Variants in LGMN observed in about 807,000 individuals in gnomAD.
LGMN encodes asparaginyl endopeptidase.
LGMN carries 36 observed loss-of-function variants against 56.8 expected under a neutral mutation model. The ratio of observed to expected loss-of-function variants is 0.63; its 90% CI spans 0.49 to 0.84. The LOEUF (loss-of-function observed/expected upper bound fraction) is 0.84. Among genes scored for constraint, LGMN ranks in the 40% least tolerant of loss-of-function variants. LGMN has a pLI of 0.00. For synonymous variants in LGMN, 199 were observed against 210.1 expected (o/e 0.95, Z 0.46); for missense variants, 446 against 556.1 (o/e 0.80, Z 1.99).
At chr14:92,718,618 G>C (rs1890191755) in intron 3 of LGMN, 129 bp downstream of exon 3, 3 of 517,610 alleles carry the variant, frequency 5.8e-6, no homozygotes, top group African/African-American at 1.9e-5. Context: ...AGGTATCCCT[G>C]TGATCTTCTG....
At chr14:92,704,992 CCCG>C in intron 12 of LGMN, 1 of 351,398 alleles carries the variant, frequency 2.8e-6, no homozygotes, top group Non-Finnish European at 5.5e-6. Context: ...GGCTCTGCTC[CCCG>C]CCATGGCCTG....
In LGMN at chr14:92,709,878, G is replaced by A. The variant is rs1000045076; in HGVS notation, c.820-6C>T. 3.8e-6 allele frequency: 6 copies of A among 1,593,612 alleles called. No individual in the cohort carries two copies. The Admixed American group carries it at 8.5e-5, about 23-fold the overall frequency. On this transcript the variant is annotated splice_region_variant and splice_polypyrimidine_tract_variant and intron_variant, in intron 10 of 13. Coordinates refer to ENST00000334869, the MANE Select transcript of LGMN (RefSeq NM_005606.7). The stretch of plus-strand genomic sequence containing the variant: ...ACTTTCATGGTGGAGATTGTCTGGG[G>A]AGACAGACAGCAAGAGAGAGCGAGA...
In LGMN at chr14:92,704,354, A is replaced by G. The variant is rs1364597152; in HGVS notation, c.1267T>C (p.Leu423=). ...EKPYPLHRIK[L]SMDHVCLGHY ...CCAAGGCACACGTGGTCCATGGACA[A>G]TTTTATCCTGCGAGAGACAGGAAGG... The change falls in exon 14 of 14, where the codon TTG becomes CTG. Residue 423 remains leucine, a synonymous_variant. Coordinates refer to ENST00000334869, the MANE Select transcript of LGMN (RefSeq NM_005606.7). The G allele has an allele frequency of 3.7e-6, 6 of 1,606,346 alleles. No homozygotes were observed. The Admixed American group carries it at 6.7e-5, about 18-fold the overall frequency.
At chr14:92,744,110 C>T (rs367837556) in intron 1 of LGMN, among the ~76,000 whole-genome samples, 8 of 151,722 alleles carry the variant, frequency 5.3e-5, no homozygotes, top group East Asian at 1.9e-4. Context: ...GCCGAGATCG[C>T]GCCACTGCAC....
chr14:92,712,813 T>A lies in LGMN; in HGVS notation c.602A>T (p.Asn201Ile). The change falls in exon 8 of 14, where the codon AAC becomes ATC. Residue 201 changes from asparagine (N) to isoleucine (I), a missense_variant. Asn to Ile is a moderately radical substitution (Grantham distance 149). Coordinates refer to ENST00000334869, the MANE Select transcript of LGMN (RefSeq NM_005606.7). ...GCGCCCCAACCACCTACCATTGATG[T>A]TATCCGGCAGGTGGTTCATCATGGA... ...SGSMMNHLPD[N>I]INVYATTAAN... is the part of the protein sequence containing the mutation. 6.2e-7 allele frequency: 1 copy of A among 1,613,878 alleles called. No individual in the cohort carries two copies. The highest frequency in any genetic ancestry group is 8.5e-7 in the Non-Finnish European group (1 of 1,179,936).
At chr14:92,715,070 C>T (rs1344541615) in intron 5 of LGMN, among the ~76,000 whole-genome samples, 1 of 149,096 alleles carries the variant, frequency 6.7e-6, no homozygotes, top group Non-Finnish European at 1.5e-5. Context: ...ATGATCTCAG[C>T]TCACTGTAAC....
chr14:92,727,077 C>T (rs1178022295), intron 2 of LGMN, among the ~76,000 whole-genome samples: 2 of 152,126 alleles, frequency 1.3e-5, no homozygotes, highest in African/African-American at 2.4e-5. Flanking sequence ...GCAGCCATTT[C>T]GTGACTATGA....
At chr14:92,745,982 T>C (rs1023563084) in intron 1 of LGMN, among the ~76,000 whole-genome samples, 3 of 152,006 alleles carry the variant, frequency 2.0e-5, no homozygotes, top group Non-Finnish European at 4.4e-5. Context: ...CCACCACACC[T>C]AGCTAATTTC....
At chr14:92,747,763 C>G (rs1160749971) in intron 1 of LGMN, among the ~76,000 whole-genome samples, 1 of 152,188 alleles carries the variant, frequency 6.6e-6, no homozygotes, top group Non-Finnish European at 1.5e-5. Flanking sequence ...TCACCACATA[C>G]CACAGGGCTA....
At chr14:92,712,977 C>T (rs956452388) in intron 7 of LGMN, 106 bp from the exon 8 acceptor site, 4 of 992,284 alleles carry the variant, frequency 4.0e-6, no homozygotes, top group African/African-American at 1.6e-5. Flanking sequence ...ACAAGTCCTC[C>T]AGGCTTGCTT....
intron 2 of LGMN, 34 bp from the exon 3 acceptor site, chr14:92,718,878 T>C (rs779722113): frequency 1.3e-6 from 2 of 1,556,348 alleles, no homozygotes; most frequent in South Asian, 1.1e-5. Context: ...TTTTAGATCT[T>C]GCCTGGGAGG....
intron 1 of LGMN, among the ~76,000 whole-genome samples, chr14:92,746,987 G>C (rs1201024801): frequency 2.2e-5 from 3 of 138,792 alleles, no homozygotes; most frequent in Admixed American, 1.6e-4. Flanking sequence ...AGTGAGCCGA[G>C]ATAGCGCCAC....
At position 92,711,817 on chromosome 14, in the gene LGMN, C is replaced by A. The variant is rs1337391990; in HGVS notation, c.729+20G>T. The A allele has an allele frequency of 5.0e-6, 8 of 1,607,680 alleles. No individual in the cohort carries two copies. The highest frequency in any genetic ancestry group is 6.8e-6 in the Non-Finnish European group (8 of 1,174,196). ...TGACGGTTAAACCCCAGCTGAACAG[C>A]CAGCCCCCAAAGGGCTCACCACGTC... On this transcript the variant is annotated intron_variant, in intron 9 of 13. Coordinates refer to ENST00000334869, the MANE Select transcript of LGMN (RefSeq NM_005606.7).
intron 2 of LGMN, among the ~76,000 whole-genome samples, chr14:92,723,565 A>G (rs1890592112): frequency 6.6e-6 from 1 of 152,236 alleles, no homozygotes; most frequent in South Asian, 2.1e-4. Flanking sequence ...TGCATGCTAC[A>G]ACGTGAACAA....
chr14:92,746,593 C>T (rs1891830341), intron 1 of LGMN, among the ~76,000 whole-genome samples: 2 of 152,176 alleles, frequency 1.3e-5, no homozygotes, highest in South Asian at 2.1e-4. Flanking sequence ...CTTAGTGTGG[C>T]CTTTCTCCAA....
chr14:92,735,484 G>A (rs922064010), intron 1 of LGMN, among the ~76,000 whole-genome samples: 9 of 152,102 alleles, frequency 5.9e-5, no homozygotes, highest in Non-Finnish European at 1.0e-4. Context: ...TGGGATTACA[G>A]GTGTGAGTCA....
At chr14:92,720,978 C>A (rs1187434580) in intron 2 of LGMN, among the ~76,000 whole-genome samples, 1 of 152,040 alleles carries the variant, frequency 6.6e-6, no homozygotes, top group African/African-American at 2.4e-5. Flanking sequence ...GCAGCCTCGA[C>A]TTCCTGGGCT....
intron 2 of LGMN, among the ~76,000 whole-genome samples, chr14:92,720,931 C>T (rs979442157): frequency 2.0e-5 from 3 of 151,714 alleles, no homozygotes; most frequent in African/African-American, 7.3e-5. Context: ...CTTGCTGTCT[C>T]CCAGGCGGGA....
intron 7 of LGMN, among the ~76,000 whole-genome samples, chr14:92,713,582 C>T (rs1019222833): frequency 2.0e-5 from 3 of 152,196 alleles, no homozygotes; most frequent in Non-Finnish European, 2.9e-5. Flanking sequence ...AGGCCCCCTC[C>T]GCAGACCTAC....
Sources: gnomAD v4.1 joint callset for allele counts (sites outside exome capture counted in the v4.1 genomes callset) on GRCh38, gnomAD v4.1.1 for gene constraint, MANE v1.5 for transcripts, NCBI Gene and HGNC (gene_info 2026-07-23, HGNC 2026-07-21) for gene names.